PAPPA: variants seen among roughly 807,000 people sequenced by gnomAD.
PAPPA encodes pappalysin-1.
Under a neutral mutation model 164.0 loss-of-function variants are expected in PAPPA, and 60 were observed. That is an observed-to-expected ratio of 0.37 (90% CI 0.30 to 0.45). The LOEUF (loss-of-function observed/expected upper bound fraction) is 0.45, where lower values mean the gene tolerates loss of function less well. Among genes scored for constraint, PAPPA ranks in the 20% least tolerant of loss-of-function variants. PAPPA has a pLI of 1.00. For missense variants in PAPPA, 1,782 were observed against 2,087.3 expected, an observed-to-expected ratio of 0.85 and a Z score of 2.85; for synonymous variants, 875 against 814.1, an observed-to-expected ratio of 1.07 and a Z score of -1.27.
At chr9:116,295,780 C>A (rs1433691940) in intron 9 of PAPPA, among the ~76,000 whole-genome samples, 1 of 151,982 alleles carries the variant, frequency 6.6e-6, no homozygotes, top group Non-Finnish European at 1.5e-5. Flanking sequence ...CTATTTATAC[C>A]CTCTAAGATG....
intron 10 of PAPPA, among the ~76,000 whole-genome samples, chr9:116,319,015 G>A (rs772946150): frequency 1.1e-4 from 17 of 152,064 alleles, no homozygotes; most frequent in Non-Finnish European, 2.2e-4. Flanking sequence ...CCCTCTCCCC[G>A]CCTCCCACCC....
chr9:116,220,949 G>GT (rs35056605), intron 5 of PAPPA, among the ~76,000 whole-genome samples: 13,076 of 142,982 alleles, frequency 0.091, 636 homozygotes, highest in East Asian at 0.18. Flanking sequence ...TGCACCAAAT[G>GT]TTTTTTTTTT....
intron 11 of PAPPA, 92 bp from the exon 12 acceptor site, chr9:116,332,241 G>T: frequency 8.9e-7 from 1 of 1,118,154 alleles, no homozygotes; most frequent in Non-Finnish European, 1.3e-6. Flanking sequence ...TTCTTAAAAA[G>T]GAAGTTTCTC....
At chr9:116,342,791 C>T (rs141490422) in intron 13 of PAPPA, among the ~76,000 whole-genome samples, 3 of 152,206 alleles carry the variant, frequency 2.0e-5, no homozygotes, top group Non-Finnish European at 2.9e-5. Flanking sequence ...TCGGTGCATA[C>T]GATAGGCCAG....
intron 9 of PAPPA, chr9:116,286,292 A>G (rs913681178): frequency 1.1e-4 from 16 of 152,126 alleles, no homozygotes; most frequent in African/African-American, 3.9e-4. Context: ...GGATCACCCC[A>G]TAAGACTCTC....
chr9:116,342,672 G>A (rs894816190), intron 13 of PAPPA, among the ~76,000 whole-genome samples: 3 of 151,802 alleles, frequency 2.0e-5, no homozygotes, highest in Non-Finnish European at 2.9e-5. Flanking sequence ...CAAAAACAAC[G>A]ACAAAAAAAA....
At chr9:116,234,664 C>T (rs1236368317) in intron 6 of PAPPA, among the ~76,000 whole-genome samples, 1 of 152,150 alleles carries the variant, frequency 6.6e-6, no homozygotes, top group African/African-American at 2.4e-5. Context: ...CAAAATGAAA[C>T]AAAACTCGGT....
chr9:116,220,241 T>A, intron 5 of PAPPA, 112 bp downstream of exon 5: 1 of 801,848 alleles, frequency 1.2e-6, no homozygotes, highest in Non-Finnish European at 2.0e-6. Context: ...CTTGTTCTTG[T>A]TCAAAAGGTA....
At chr9:116,283,233 A>G (rs1421130248) in intron 9 of PAPPA, among the ~76,000 whole-genome samples, 3 of 152,204 alleles carry the variant, frequency 2.0e-5, no homozygotes, top group African/African-American at 7.2e-5. Flanking sequence ...CCTTTGTTAG[A>G]GGGCTGCAGA....
intron 10 of PAPPA, among the ~76,000 whole-genome samples, chr9:116,312,360 T>C (rs922725928): frequency 1.3e-5 from 2 of 151,352 alleles, no homozygotes; most frequent in African/African-American, 4.9e-5. Flanking sequence ...TGGCCTTTGC[T>C]GTGTAATTTA....
In PAPPA at chr9:116,297,752, G is replaced by A. The variant is rs149399861; in HGVS notation, c.2954-5005G>A. Reference sequence around the variant, plus strand: ...ATACCTTAGGGTCTAGGGCTGGGTAGAGAAAAGTAGAATCTCTAATTAAGA... The same window carrying A: ...ATACCTTAGGGTCTAGGGCTGGGTAAAGAAAAGTAGAATCTCTAATTAAGA... On this transcript the variant is annotated intron_variant, in intron 9 of 21. Coordinates refer to ENST00000328252, the MANE Select transcript of PAPPA (RefSeq NM_002581.5). 2.0e-4 allele frequency among the ~76,000 whole-genome samples: 30 copies of A among 152,236 alleles called. No homozygotes were observed. In the East Asian group the frequency reaches 5.8e-3, roughly 29 times the overall value.
At chr9:116,227,623 G>C in intron 6 of PAPPA, 71 bp downstream of exon 6, 3 of 1,515,834 alleles carry the variant, frequency 2.0e-6, no homozygotes, top group Non-Finnish European at 1.8e-6. Flanking sequence ...TGTATATGGG[G>C]TTTTATTATT....
chr9:116,332,225 G>C (rs532128609), intron 11 of PAPPA, 108 bp from the exon 12 acceptor site: 54 of 870,938 alleles, frequency 6.2e-5, no homozygotes, highest in Non-Finnish European at 9.2e-5. Context: ...ATGAGTAGTA[G>C]CCCAGTTCTT....
At chr9:116,263,623 A>G (rs1291741145) in intron 7 of PAPPA, among the ~76,000 whole-genome samples, 1 of 152,176 alleles carries the variant, frequency 6.6e-6, no homozygotes, top group Non-Finnish European at 1.5e-5. Flanking sequence ...CTCATGCTTC[A>G]TCTGCAGATA....
Position 116,257,681 on chromosome 9 carries a change from G to A in PAPPA, c.2733-8176G>A, listed in dbSNP as rs183184685. Reference sequence around the variant, plus strand: ...CGCGCCACTGCACTCCAGCCTGGGCGACAGAGCGAGACTCCGTCTCAAAAA... The same window carrying A: ...CGCGCCACTGCACTCCAGCCTGGGCAACAGAGCGAGACTCCGTCTCAAAAA... On this transcript the variant is annotated intron_variant, in intron 7 of 21. Coordinates refer to ENST00000328252, the MANE Select transcript of PAPPA (RefSeq NM_002581.5). Among the ~76,000 whole-genome samples, 431 of 152,082 alleles carry A rather than the reference G, an allele frequency of 2.8e-3. 2 individuals are homozygous for A. The highest frequency in any genetic ancestry group is 1.0e-2 in the African/African-American group (414 of 41,554).
intron 10 of PAPPA, among the ~76,000 whole-genome samples, chr9:116,322,972 C>A (rs1006331395): frequency 6.6e-6 from 1 of 152,106 alleles, no homozygotes; most frequent in African/African-American, 2.4e-5. Flanking sequence ...GCTTGATGAG[C>A]ACTTCCTCCC....
chr9:116,382,400 C>T lies in PAPPA; in HGVS notation c.4683C>T (p.Phe1561=). 1 of 1,610,078 alleles carries T rather than the reference C, an allele frequency of 6.2e-7. No individual in the cohort carries two copies. Among genetic ancestry groups the T allele is most frequent in the South Asian group, 1.1e-5 (1 of 90,988 alleles). ...CCTTCTGTCTCCCTTTCCAGCCCTT[C>T]ATGGGAGACAATTATTGTGATGCCA... ...LIHCVKGCEP[F]MGDNYCDAIN... The change falls in exon 21 of 22, where the codon TTC becomes TTT. Residue 1561 remains phenylalanine (F), a synonymous_variant. Coordinates refer to ENST00000328252, the MANE Select transcript of PAPPA (RefSeq NM_002581.5).
intron 19 of PAPPA, among the ~76,000 whole-genome samples, chr9:116,372,742 G>A (rs1395126629): frequency 5.9e-5 from 9 of 152,118 alleles, no homozygotes. Flanking sequence ...GAGAGGGAGG[G>A]AATGACTTAA....
intron 7 of PAPPA, among the ~76,000 whole-genome samples, chr9:116,262,258 C>A (rs1255245328): frequency 6.7e-6 from 1 of 150,048 alleles, no homozygotes; most frequent in African/African-American, 2.4e-5. Context: ...AATAGACAAA[C>A]AACTTCATCA....
Sources: allele counts gnomAD v4.1 joint callset (sites outside exome capture counted in the v4.1 genomes callset), GRCh38; gene constraint gnomAD v4.1.1; transcripts MANE v1.5; gene names NCBI Gene and HGNC (gene_info 2026-07-23, HGNC 2026-07-21).